MGA: variants seen among roughly 807,000 people sequenced by gnomAD.
MGA encodes the protein MAX gene-associated protein.
MGA carries 40 observed loss-of-function variants against 261.1 expected under a neutral mutation model. The observed-to-expected ratio is 0.15, with a 90% CI of 0.12 to 0.20. MGA has a LOEUF of 0.20. Among genes scored for constraint, MGA ranks in the 10% least tolerant of loss-of-function variants. The pLI, the probability that MGA is intolerant of heterozygous loss-of-function variation, is 1.00. For missense variants in MGA, 3,397 were observed against 3,630.5 expected, an observed-to-expected ratio of 0.94 and a Z score of 1.65; for synonymous variants, 1,302 against 1,290.6, an observed-to-expected ratio of 1.01 and a Z score of -0.19.
chr15:41,643,040 TTATAG>T (rs1340919559), intron 1 of MGA, among the ~76,000 whole-genome samples: 4 of 150,954 alleles, frequency 2.6e-5, no homozygotes, highest in Admixed American at 6.6e-5. Context: ...AGCCTTCCAA[TTATAG>T]GCATGTGTCA....
At chr15:41,635,804 G>A (rs2056691624) in intron 1 of MGA, among the ~76,000 whole-genome samples, 1 of 152,216 alleles carries the variant, frequency 6.6e-6, no homozygotes, top group Admixed American at 6.5e-5. Flanking sequence ...GTCCCATAAG[G>A]TTAATGGAGC....
intron 11 of MGA, among the ~76,000 whole-genome samples, chr15:41,731,728 A>G (rs1046848759): frequency 6.6e-6 from 1 of 152,230 alleles, no homozygotes; most frequent in African/African-American, 2.4e-5. Flanking sequence ...CTAATTATAC[A>G]CTATGCCATT....
intron 1 of MGA, among the ~76,000 whole-genome samples, chr15:41,652,725 A>T (rs2057092207): frequency 6.6e-6 from 1 of 151,724 alleles, no homozygotes; most frequent in Non-Finnish European, 1.5e-5. Flanking sequence ...TTTCAATATG[A>T]TTATTCTGTC....
intron 11 of MGA, among the ~76,000 whole-genome samples, chr15:41,731,446 A>G (rs2061504748): frequency 1.3e-5 from 2 of 152,148 alleles, no homozygotes; most frequent in Admixed American, 6.5e-5. Flanking sequence ...TTTAAAATAA[A>G]CTCAGTGAGG....
intron 5 of MGA, among the ~76,000 whole-genome samples, chr15:41,705,639 G>A (rs2060068556): frequency 2.0e-5 from 3 of 152,180 alleles, no homozygotes; most frequent in African/African-American, 7.2e-5. Flanking sequence ...AGGGATTACA[G>A]GTGTGAGCTG....
In MGA at chr15:41,708,199, A is replaced by G; in HGVS notation, c.2416A>G (p.Arg806Gly). ...AAAATTTCATAGTGCTTCTGCATCT[A>G]GGAATGAAGGTAATTAGTTTTTTAA... The change falls in exon 7 of 24, where the codon AGG becomes GGG. Residue 806 changes from arginine (R) to glycine (G), a missense_variant. Around this residue, in one of 9 missense-constraint regions of MGA, gnomAD observed 519 missense variants for 554.1 expected, o/e 0.94. Transcript: ENST00000219905. 20 of 1,578,824 alleles carry G rather than the reference A, an allele frequency of 1.3e-5. No individual in the cohort carries two copies. The highest frequency in any genetic ancestry group is 1.6e-5 in the Non-Finnish European group (19 of 1,161,494).
chr15:41,652,766 G>A lies in MGA; in HGVS notation c.-67-16062G>A, dbSNP rs2057093009. 2.0e-5 allele frequency among the ~76,000 whole-genome samples: 3 copies of A among 152,034 alleles called. No homozygotes were observed. The South Asian group carries it at 6.2e-4, about 32-fold the overall frequency. On this transcript the variant is annotated intron_variant, in intron 1 of 8. Transcript: ENST00000566718. ...AATCAGAGCTTGAGCTTTTTGAGGGGATTTGTTTTTATTTATTCATTTTCC... is the reference window on the plus strand; with the variant it reads ...AATCAGAGCTTGAGCTTTTTGAGGGAATTTGTTTTTATTTATTCATTTTCC...
intron 1 of MGA, among the ~76,000 whole-genome samples, chr15:41,650,226 G>A (rs1205727158): frequency 1.3e-5 from 2 of 152,128 alleles, no homozygotes; most frequent in African/African-American, 4.8e-5. Context: ...TCCAGGATAT[G>A]TACATGGTAA....
chr15:41,756,265 G>T (rs964069577), intron 18 of MGA, among the ~76,000 whole-genome samples: 1 of 152,152 alleles, frequency 6.6e-6, no homozygotes, highest in African/African-American at 2.4e-5. Flanking sequence ...GGATATTAGA[G>T]ACAGTTGACA....
chr15:41,685,701 T>A (rs532033871), intron 2 of MGA, among the ~76,000 whole-genome samples: 1 of 152,242 alleles, frequency 6.6e-6, no homozygotes, highest in South Asian at 2.1e-4. Context: ...TTAAAATAAT[T>A]TTCCAGTTTT....
chr15:41,727,252 A>G lies in MGA; in HGVS notation c.3503A>G (p.Asp1168Gly). 1 of 1,613,928 alleles carries G rather than the reference A, an allele frequency of 6.2e-7. No homozygotes were observed. Among genetic ancestry groups the G allele is most frequent in the South Asian group, 1.1e-5 (1 of 91,088 alleles). Residue 1168 changes from aspartate (D) to glycine (G), a missense_variant, in exon 10 of 24, where the codon GAT becomes GGT. Transcript: ENST00000219905. ...TGGGTAAAAGTAGAAGGTGAAGTAG[A>G]TCCAGAACCAGTTTATATCCCCACG...
chr15:41,683,827 C>T (rs574855202), intron 2 of MGA, among the ~76,000 whole-genome samples: 19 of 152,034 alleles, frequency 1.2e-4, no homozygotes, highest in African/African-American at 4.6e-4. Context: ...GCAATCTGCC[C>T]GTCTTGACCT....
At chr15:41,689,587 A>G (rs757357961) in intron 2 of MGA, among the ~76,000 whole-genome samples, 13 of 135,196 alleles carry the variant, frequency 9.6e-5, no homozygotes, top group Non-Finnish European at 1.7e-4. Context: ...TTTTTTTGAG[A>G]TAGAGTCTCA....
At chr15:41,647,663 C>A (rs1239848182) in intron 1 of MGA, among the ~76,000 whole-genome samples, 1 of 152,124 alleles carries the variant, frequency 6.6e-6, no homozygotes, top group Non-Finnish European at 1.5e-5. Context: ...CTGACCATAA[C>A]CCTCTGAAAT....
In MGA at chr15:41,736,519, G is replaced by C; in HGVS notation, c.4255G>C (p.Gly1419Arg). The change falls in exon 13 of 24, where the codon GGT becomes CGT. Residue 1419 changes from glycine to arginine, a missense_variant. Physicochemically the swap from Gly to Arg is moderately radical, Grantham distance 125. Coordinates refer to ENST00000219905, the MANE Select transcript of MGA (RefSeq NM_001164273.2). ...GAAATCTGGATCAGAGACTCCTGAT[G>C]GTCCATTGTCCCCTGGGAAAATGGA... is the stretch of plus-strand genomic sequence containing the variant. 1 of 1,614,004 alleles carries C rather than the reference G, an allele frequency of 6.2e-7. No homozygotes were observed. Among genetic ancestry groups the C allele is most frequent in the Non-Finnish European group, 8.5e-7 (1 of 1,179,892 alleles).
At chr15:41,736,757 A>G in intron 13 of MGA, 59 bp downstream of exon 13, 2 of 1,458,380 alleles carry the variant, frequency 1.4e-6, no homozygotes, top group East Asian at 2.4e-5. Flanking sequence ...TAGTATCATG[A>G]TTTTTCAGAG....
At position 41,708,151 on chromosome 15, in the gene MGA, A is replaced by G; in HGVS notation, c.2368A>G (p.Thr790Ala). ...TAGGACAGGGAAAACCAATGATTTCACTAAGATCAAGGGATGGAGGGGAAA... is the reference window on the plus strand; with the variant it reads ...TAGGACAGGGAAAACCAATGATTTCGCTAAGATCAAGGGATGGAGGGGAAA... The change falls in exon 7 of 24, where the codon ACT (threonine) becomes GCT (alanine). Residue 790 changes from threonine to alanine, a missense_variant. By Grantham distance (58) the Thr-to-Ala change is moderately conservative (BLOSUM62 0). Transcript: ENST00000219905. The G allele has an allele frequency of 6.2e-7, 1 of 1,602,128 alleles. No homozygotes were observed. The highest frequency in any genetic ancestry group is 8.5e-7 in the Non-Finnish European group (1 of 1,173,966).
intron 1 of MGA, among the ~76,000 whole-genome samples, chr15:41,661,307 G>T (rs1457662219): frequency 6.6e-6 from 1 of 152,082 alleles, no homozygotes; most frequent in Non-Finnish European, 1.5e-5. Flanking sequence ...TCTGCCCTCA[G>T]TGCAAGGTAT....
chr15:41,701,512 G>A (rs2059853020), intron 5 of MGA, among the ~76,000 whole-genome samples: 1 of 152,146 alleles, frequency 6.6e-6, no homozygotes, highest in Non-Finnish European at 1.5e-5. Context: ...CAGTGTTTAT[G>A]GAAACTGACT....
Sources: allele counts gnomAD v4.1 joint callset (sites outside exome capture counted in the v4.1 genomes callset), GRCh38; gene constraint gnomAD v4.1.1; regional missense constraint gnomAD v4.1.1; transcripts MANE v1.5; gene names NCBI Gene and HGNC (gene_info 2026-07-23, HGNC 2026-07-21).